Variants in NDST3 observed in about 807,000 individuals in gnomAD.
The protein encoded by NDST3 is N-deacetylase and N-sulfotransferase 3, also known as bifunctional heparan sulfate N-deacetylase/N-sulfotransferase 3.
NDST3 carries 58 observed loss-of-function variants against 96.1 expected under a neutral mutation model. The ratio of observed to expected loss-of-function variants is 0.60; its 90% CI spans 0.49 to 0.75. NDST3 has a LOEUF of 0.75. Among genes scored for constraint, NDST3 ranks in the 30% least tolerant of loss-of-function variants. NDST3 has a pLI of 0.00. For missense variants in NDST3, 788 were observed against 1,034.2 expected (o/e 0.76, Z 3.27); for synonymous variants, 333 against 359.7 (o/e 0.93, Z 0.84).
At chr4:118,128,900 A>C (rs548035527) in intron 4 of NDST3, among the ~76,000 whole-genome samples, 2 of 151,878 alleles carry the variant, frequency 1.3e-5, no homozygotes, top group African/African-American at 4.8e-5. Flanking sequence ...GGATTTCTTC[A>C]TGGTTCAATT....
intron 6 of NDST3, among the ~76,000 whole-genome samples, chr4:118,199,841 A>T (rs1737948661): frequency 6.6e-6 from 1 of 152,046 alleles, no homozygotes; most frequent in South Asian, 2.1e-4. Flanking sequence ...CTTGGACAAG[A>T]TCCAGAAGAA....
At chr4:118,173,152 G>GTA (rs1318183352) in intron 6 of NDST3, among the ~76,000 whole-genome samples, 59 of 149,044 alleles carry the variant, frequency 4.0e-4, no homozygotes, top group South Asian at 2.8e-3. Flanking sequence ...GTGTGTGTGT[G>GTA]TGTATATATA....
At chr4:118,094,589 T>C (rs1038291235) in intron 2 of NDST3, among the ~76,000 whole-genome samples, 1 of 151,894 alleles carries the variant, frequency 6.6e-6, no homozygotes, top group Admixed American at 6.6e-5. Context: ...TACCCTTTAG[T>C]TACCCTATAC....
At chr4:118,129,811 G>T (rs1732453042) in intron 4 of NDST3, among the ~76,000 whole-genome samples, 1 of 151,942 alleles carries the variant, frequency 6.6e-6, no homozygotes, top group South Asian at 2.1e-4. Context: ...TTATTGTACT[G>T]GGGTCTATCT....
At position 118,146,217 on chromosome 4, in the gene NDST3, A is replaced by G. The variant is rs553341124; in HGVS notation, c.1539+2533A>G. ...AGTATACATTAGCTGCAGGAAAGTC[A>G]TGAATTTTAATTATAGTGGATTTGA... On this transcript the variant is annotated intron_variant, in intron 6 of 13. Coordinates refer to ENST00000296499, the MANE Select transcript of NDST3 (RefSeq NM_004784.3). Among the ~76,000 whole-genome samples, 441 of 152,332 alleles carry G rather than the reference A, an allele frequency of 2.9e-3. 2 individuals carry two copies. Among genetic ancestry groups the G allele is most frequent in the African/African-American group, 1.0e-2 (414 of 41,582 alleles).
chr4:118,062,915 G>C (rs1726012778), intron 2 of NDST3, among the ~76,000 whole-genome samples: 1 of 152,098 alleles, frequency 6.6e-6, no homozygotes, highest in Admixed American at 6.6e-5. Flanking sequence ...TACAGTCTGG[G>C]CACAGTGGCT....
At chr4:118,217,458 A>G (rs932424478) in intron 6 of NDST3, among the ~76,000 whole-genome samples, 5 of 152,060 alleles carry the variant, frequency 3.3e-5, no homozygotes, top group African/African-American at 1.2e-4. Flanking sequence ...AGAATTTTAT[A>G]CTTATTTTTC....
intron 2 of NDST3, among the ~76,000 whole-genome samples, chr4:118,084,265 T>C (rs1003043357): frequency 6.6e-6 from 1 of 152,184 alleles, no homozygotes; most frequent in African/African-American, 2.4e-5. Flanking sequence ...ATGATGGATA[T>C]GTTATTTGCT....
At chr4:118,253,820 C>G (rs569505664) in intron 13 of NDST3, among the ~76,000 whole-genome samples, 2 of 152,246 alleles carry the variant, frequency 1.3e-5, no homozygotes, top group East Asian at 3.9e-4. Context: ...ATTCAACATT[C>G]TGAATAAGAA....
At chr4:118,191,913 G>A (rs1379779522) in intron 6 of NDST3, among the ~76,000 whole-genome samples, 1 of 152,054 alleles carries the variant, frequency 6.6e-6, no homozygotes, top group Admixed American at 6.5e-5. Flanking sequence ...TAATGTATGA[G>A]GGTTCTCTTT....
chr4:118,219,822 A>G (rs1739420085), intron 6 of NDST3, among the ~76,000 whole-genome samples: 1 of 152,196 alleles, frequency 6.6e-6, no homozygotes, highest in African/African-American at 2.4e-5. Context: ...CAAGGAAAAA[A>G]CAAACATCAT....
intron 2 of NDST3, among the ~76,000 whole-genome samples, chr4:118,086,423 C>A (rs1182791614): frequency 6.6e-6 from 1 of 151,882 alleles, no homozygotes; most frequent in Non-Finnish European, 1.5e-5. Context: ...CATTTTTTTT[C>A]AGTACCCCTA....
intron 2 of NDST3, among the ~76,000 whole-genome samples, chr4:118,067,255 A>T (rs1190795296): frequency 6.6e-6 from 1 of 152,046 alleles, no homozygotes; most frequent in African/African-American, 2.4e-5. Context: ...ATGAAAACCC[A>T]TTTTAACTCT....
chr4:118,185,086 T>A (rs1435035126), intron 6 of NDST3, among the ~76,000 whole-genome samples: 3 of 152,206 alleles, frequency 2.0e-5, no homozygotes, highest in Non-Finnish European at 4.4e-5. Flanking sequence ...TAAAGAGACA[T>A]GTAACAGGGA....
intron 1 of NDST3, among the ~76,000 whole-genome samples, chr4:118,049,894 A>G (rs1724978976): frequency 6.6e-6 from 1 of 152,136 alleles, no homozygotes; most frequent in African/African-American, 2.4e-5. Flanking sequence ...TGAAGCAAGC[A>G]TCAGCCTGAT....
chr4:118,096,812 G>T (rs1403036855), intron 2 of NDST3, among the ~76,000 whole-genome samples: 1 of 151,950 alleles, frequency 6.6e-6, no homozygotes, highest in African/African-American at 2.4e-5. Context: ...GCAGAGCTAA[G>T]TGTGTAGTTC....
intron 6 of NDST3, among the ~76,000 whole-genome samples, chr4:118,159,969 G>T (rs1382708016): frequency 6.6e-6 from 1 of 152,046 alleles, no homozygotes; most frequent in African/African-American, 2.4e-5. Flanking sequence ...CTCAAAAAGA[G>T]AAGAAAGAGA....
Position 118,165,891 on chromosome 4 carries a change from CTT to C in NDST3, c.1539+22208_1539+22209del, listed in dbSNP as rs1196637116. Among the ~76,000 whole-genome samples, 2 of 151,600 alleles carry C rather than the reference CTT, an allele frequency of 1.3e-5. 1 individual carries two copies. Among genetic ancestry groups the C allele is most frequent in the South Asian group, 4.2e-4 (2 of 4,816 alleles). ...AGTAAAAACAAAACACCTACCAAAA[CTT>C]ATGGAATGCAACAAAAGCAGTATTA... On this transcript the variant is annotated intron_variant, in intron 6 of 13. Transcript: ENST00000296499.
In NDST3 at chr4:118,256,432, G is replaced by T. The variant is rs1165157248; in HGVS notation, c.*720G>T. The stretch of plus-strand genomic sequence containing the variant: ...TGAAATATATACTGTAAAGCTGTTG[G>T]ATGGTAAATAGAAACACATCAAGTA... On this transcript the variant is annotated 3_prime_UTR_variant, in exon 14 of 14. Transcript: ENST00000296499. 1.3e-5 allele frequency: 2 copies of T among 152,168 alleles called. No individual in the cohort carries two copies. Among genetic ancestry groups the T allele is most frequent in the Non-Finnish European group, 2.9e-5 (2 of 68,028 alleles). The allele number at this position is 152,168 out of a possible 1,614,324, so 9.4% of individuals were successfully genotyped here.
Sources: allele counts gnomAD v4.1 joint callset (sites outside exome capture counted in the v4.1 genomes callset), GRCh38; gene constraint gnomAD v4.1.1; transcripts MANE v1.5; gene names NCBI Gene and HGNC (gene_info 2026-07-23, HGNC 2026-07-21).